Variants in ZNF587B observed in about 807,000 individuals in gnomAD.
ZNF587B encodes zinc finger protein 587B.
ZNF587B carries 6 observed loss-of-function variants against 7.2 expected under a neutral mutation model. The ratio of observed to expected loss-of-function variants is 0.83; its 90% confidence interval spans 0.46 to 1.65. ZNF587B has a LOEUF of 1.65. Ranked by LOEUF, ZNF587B falls within the 40% of genes most tolerant of loss-of-function variation. ZNF587B has a pLI of 0.01. For synonymous variants in ZNF587B, 274 were observed against 254.3 expected, an observed-to-expected ratio of 1.08 and a Z score of -0.74; for missense variants, 749 against 761.0, an observed-to-expected ratio of 0.98 and a Z score of 0.19.
Position 57,843,262 on chromosome 19 carries a change from G to C in ZNF587B, c.*686G>C. On this transcript the variant is annotated 3_prime_UTR_variant, in exon 3 of 3. Coordinates refer to ENST00000594901, the MANE Select transcript of ZNF587B (RefSeq NM_001376223.1). ...ACACCTCAGCCTCCCAAAGTGCTGA[G>C]ATTGTAGGTTTGAGTCACTGTGCTC... 2 of 982,676 alleles carry C rather than the reference G, an allele frequency of 2.0e-6. No individual in the cohort carries two copies. Among genetic ancestry groups the C allele is most frequent in the Non-Finnish European group, 2.4e-6 (2 of 827,424 alleles). The allele number at this position is 982,676 out of a possible 1,614,324, so 60.9% of individuals were successfully genotyped here.
chr19:57,834,797 G>A lies in ZNF587B; in HGVS notation c.37-4226G>A, dbSNP rs1330738083. On this transcript the variant is annotated intron_variant, in intron 1 of 2. Coordinates refer to ENST00000594901, the MANE Select transcript of ZNF587B (RefSeq NM_001376223.1). Reference sequence around the variant, plus strand: ...GAGGCAGAGGTTGCAGTGAGCCAAGGTAGCACTACTGGACTCCAGCCCTGG... The same window carrying A: ...GAGGCAGAGGTTGCAGTGAGCCAAGATAGCACTACTGGACTCCAGCCCTGG... Among the ~76,000 whole-genome samples, 4 of 126,390 alleles carry A rather than the reference G, an allele frequency of 3.2e-5. No individual in the cohort carries two copies. The East Asian group carries it at 7.3e-4, about 23-fold the overall frequency. 82.9% of individuals were successfully genotyped at this position (126,390 alleles called of 152,430 possible).
At chr19:57,831,752 T>C (rs953746635) in intron 1 of ZNF587B, among the ~76,000 whole-genome samples, 1 of 146,876 alleles carries the variant, frequency 6.8e-6, no homozygotes, top group African/African-American at 2.5e-5. Context: ...TCACCCAGCC[T>C]GGAGTACAGT....
intron 1 of ZNF587B, among the ~76,000 whole-genome samples, chr19:57,832,113 G>C (rs1439895064): frequency 6.6e-6 from 1 of 151,624 alleles, no homozygotes; most frequent in Non-Finnish European, 1.5e-5. Context: ...TTGAGACAGA[G>C]TCTCGCTCTA....
Position 57,830,503 on chromosome 19 carries a change from A to G in ZNF587B, c.-26A>G, listed in dbSNP as rs758945442. 8.4e-6 allele frequency: 13 copies of G among 1,548,716 alleles called. No homozygotes were observed. The highest frequency in any genetic ancestry group is 1.0e-5 in the Non-Finnish European group (12 of 1,146,966). ...TCCTGGCTGGTCACCCTCTCCTCCC[A>G]ACCCTGCTTTAAACCACGTGGTTCG... On this transcript the variant is annotated 5_prime_UTR_variant, in exon 1 of 3. Coordinates refer to ENST00000594901, the MANE Select transcript of ZNF587B (RefSeq NM_001376223.1).
intron 1 of ZNF587B, among the ~76,000 whole-genome samples, chr19:57,832,111 G>C (rs1205708649): frequency 6.6e-6 from 1 of 151,364 alleles, no homozygotes; most frequent in African/African-American, 2.4e-5. Flanking sequence ...TTTTGAGACA[G>C]AGTCTCGCTC....
chr19:57,837,700 A>G (rs770936038), intron 1 of ZNF587B, among the ~76,000 whole-genome samples: 2 of 151,956 alleles, frequency 1.3e-5, no homozygotes, highest in African/African-American at 2.4e-5. Context: ...TGCCCGTCTC[A>G]GCCTCCCAAA....
chr19:57,843,064 T>C lies in ZNF587B; in HGVS notation c.*488T>C. On this transcript the variant is annotated 3_prime_UTR_variant, in exon 3 of 3. Coordinates refer to ENST00000594901, the MANE Select transcript of ZNF587B (RefSeq NM_001376223.1). ...ATGCTGGTGTGCAGTGCTGCGATCG[T>C]AGCTCACTGCATCCTCCGCCCCCTA... 1 of 820,388 alleles carries C rather than the reference T, an allele frequency of 1.2e-6. No individual in the cohort carries two copies. The highest frequency in any genetic ancestry group is 1.5e-6 in the Non-Finnish European group (1 of 679,284). The allele number at this position is 820,388 out of a possible 1,614,324, so 50.8% of individuals were successfully genotyped here.
Position 57,844,731 on chromosome 19 carries a change from G to GGTGT in ZNF587B, c.*2155_*2156insGTGT, listed in dbSNP as rs1361385103. 2 of 152,290 alleles carry GGTGT rather than the reference G, an allele frequency of 1.3e-5. No individual in the cohort carries two copies. The highest frequency in any genetic ancestry group is 4.8e-5 in the African/African-American group (2 of 41,428). 9.4% of individuals were successfully genotyped at this position (152,290 alleles called of 1,614,324 possible). Reference sequence around the variant, plus strand: ...TTTATTTTAGTGTCAATATCACACTGAAAGATTGGTGATTTTTTTTGAACC... The same window carrying GGTGT: ...TTTATTTTAGTGTCAATATCACACTGGTGTAAAGATTGGTGATTTTTTTTGAACC... On this transcript the variant is annotated 3_prime_UTR_variant, in exon 3 of 3. Transcript: ENST00000594901.
intron 1 of ZNF587B, among the ~76,000 whole-genome samples, chr19:57,831,234 C>G (rs926365474): frequency 2.6e-5 from 4 of 151,924 alleles, no homozygotes; most frequent in Non-Finnish European, 4.4e-5. Context: ...AAGGGAGAGT[C>G]AATTCAGGTG....
In ZNF587B at chr19:57,844,003, T is replaced by C. The variant is rs1988979225; in HGVS notation, c.*1427T>C. Among the ~76,000 whole-genome samples the C allele has an allele frequency of 6.6e-6, 1 of 152,216 alleles. No individual in the cohort carries two copies. The highest frequency in any genetic ancestry group is 1.5e-5 in the Non-Finnish European group (1 of 68,044). On this transcript the variant is annotated 3_prime_UTR_variant, in exon 3 of 3. Transcript: ENST00000594901. ...GTCTCGAGTGATCCTTCTGCCTGGC[T>C]TCCCAGAATGTTGGGATTATAGGCG... is the stretch of plus-strand genomic sequence containing the variant.
rs7260469 is a variant in ZNF587B, at chr19:57,831,039, G to C, written c.36+475G>C. On this transcript the variant is annotated intron_variant, in intron 1 of 2. Transcript: ENST00000594901. ...GCTTTAAGACTATTAGAAGGTGATA[G>C]ATGGGGGGCTTTGGGCGTTATCAAT... 4.8e-3 allele frequency among the ~76,000 whole-genome samples: 732 copies of C among 152,322 alleles called. 9 individuals are homozygous for C. The highest frequency in any genetic ancestry group is 0.017 in the African/African-American group (702 of 41,572).
intron 1 of ZNF587B, among the ~76,000 whole-genome samples, chr19:57,833,134 G>A (rs2122208860): frequency 6.6e-6 from 1 of 152,318 alleles, no homozygotes; most frequent in Non-Finnish European, 1.5e-5. Flanking sequence ...CCTTAGGACG[G>A]TGAGTTCCCC....
chr19:57,842,557 A>T lies in ZNF587B; in HGVS notation c.1883A>T (p.His628Leu). ...SSSLRYHQRV[H>L]ERKAL is the part of the protein sequence containing the mutation. ...TCACTTCGTTACCATCAGAGAGTTC[A>T]TGAAAGAAAGGCCTTATGAGTGCAG... The change falls in exon 3 of 3, where the codon CAT becomes CTT. Residue 628 changes from histidine to leucine, a missense_variant. Coordinates refer to ENST00000594901, the MANE Select transcript of ZNF587B (RefSeq NM_001376223.1). 1 of 1,527,248 alleles carries T rather than the reference A, an allele frequency of 6.5e-7. No homozygotes were observed. Among genetic ancestry groups the T allele is most frequent in the Non-Finnish European group, 8.7e-7 (1 of 1,144,742 alleles). The allele number at this position is 1,527,248 out of a possible 1,614,324, so 94.6% of individuals were successfully genotyped here. A position where few individuals can be genotyped will look rare whatever the true frequency, so the allele number is the denominator to read the frequency against.
Position 57,830,464 on chromosome 19 carries a change from G to A in ZNF587B, c.-65G>A, listed in dbSNP as rs1988329859. 2.6e-6 allele frequency: 4 copies of A among 1,529,004 alleles called. No homozygotes were observed. Among genetic ancestry groups the A allele is most frequent in the South Asian group, 2.4e-5 (2 of 83,670 alleles). The allele number at this position is 1,529,004 out of a possible 1,614,324, so 94.7% of individuals were successfully genotyped here. ...CCACCCCTGGGCCAGGATAGGGACCGTCATGCCCATATCTCCTGGCTGGTC... is the reference window on the plus strand; with the variant it reads ...CCACCCCTGGGCCAGGATAGGGACCATCATGCCCATATCTCCTGGCTGGTC... On this transcript the variant is annotated 5_prime_UTR_variant, in exon 1 of 3. Transcript: ENST00000594901.
At chr19:57,832,389 C>G (rs1025060283) in intron 1 of ZNF587B, among the ~76,000 whole-genome samples, 11 of 152,282 alleles carry the variant, frequency 7.2e-5, no homozygotes, top group African/African-American at 2.6e-4. Context: ...CCGGCCAATT[C>G]TATTTAATTA....
intron 2 of ZNF587B, 115 bp downstream of exon 2, chr19:57,839,264 C>A: frequency 3.3e-6 from 5 of 1,497,770 alleles, no homozygotes; most frequent in Non-Finnish European, 4.5e-6. Flanking sequence ...TGCTTCAGTT[C>A]TATGGGTAGG....
chr19:57,839,275 T>G, intron 2 of ZNF587B, 126 bp downstream of exon 2: 2 of 1,461,012 alleles, frequency 1.4e-6, no homozygotes, highest in Non-Finnish European at 1.8e-6. Context: ...TATGGGTAGG[T>G]TCTTGGTTGT....
chr19:57,839,198 CCT>C (rs765156290), intron 2 of ZNF587B, 49 bp downstream of exon 2: 5 of 1,605,306 alleles, frequency 3.1e-6, no homozygotes, highest in Non-Finnish European at 4.3e-6. Context: ...TCTGTTTTCC[CCT>C]GTCTTTCCCC....
Position 57,844,499 on chromosome 19 carries a change from A to G in ZNF587B, c.*1923A>G, listed in dbSNP as rs189039818. ...CCTGGGTCCTGCTACCTTGAAGGAC[A>G]GCATAGCTAAACTGCGTGGCCCAAG... is the stretch of plus-strand genomic sequence containing the variant. On this transcript the variant is annotated 3_prime_UTR_variant, in exon 3 of 3. Coordinates refer to ENST00000594901, the MANE Select transcript of ZNF587B (RefSeq NM_001376223.1). 3.2e-3 allele frequency: 697 copies of G among 215,812 alleles called. 4 individuals are homozygous for G. The highest frequency in any genetic ancestry group is 4.8e-3 in the Non-Finnish European group (501 of 103,808). The allele number at this position is 215,812 out of a possible 1,614,324, so 13.4% of individuals were successfully genotyped here. A position where few individuals can be genotyped will look rare whatever the true frequency, so the allele number is the denominator to read the frequency against.
Sources: gnomAD v4.1 joint callset for allele counts (sites outside exome capture counted in the v4.1 genomes callset) on GRCh38, gnomAD v4.1.1 for gene constraint, MANE v1.5 for transcripts, NCBI Gene and HGNC (gene_info 2026-07-23, HGNC 2026-07-21) for gene names.